The following ARHGAP6 variants were observed in gnomAD, a reference collection of about 807,000 sequenced individuals.
The protein encoded by ARHGAP6 is rho GTPase-activating protein 6.
In ARHGAP6, 16 loss-of-function variants were observed where a neutral mutation model predicts 55.7. The ratio of observed to expected loss-of-function variants is 0.29; its 90% CI spans 0.19 to 0.44. The LOEUF (loss-of-function observed/expected upper bound fraction) is 0.44, where lower values mean the gene tolerates loss of function less well. Ranked by LOEUF, ARHGAP6 falls within the 20% of genes least tolerant of loss-of-function variation. ARHGAP6 has a pLI of 1.00. For missense variants in ARHGAP6, 698 were observed against 808.9 expected, an observed-to-expected ratio of 0.86 and a Z score of 1.66; for synonymous variants, 382 against 360.9, an observed-to-expected ratio of 1.06 and a Z score of -0.66.
chrX:11,509,087 T>A (rs748350033), intron 1 of ARHGAP6, among the ~76,000 whole-genome samples: 50 of 111,833 alleles, frequency 4.5e-4, no homozygotes, highest in Non-Finnish European at 8.1e-4. Context: ...TGCAAACAAG[T>A]GATCGATCTA....
intron 1 of ARHGAP6, among the ~76,000 whole-genome samples, chrX:11,424,129 G>A (rs1022245493): frequency 3.6e-5 from 4 of 112,244 alleles, no homozygotes; most frequent in Non-Finnish European, 5.6e-5. Flanking sequence ...AAAGTGGATC[G>A]CAGAGGGATG....
At chrX:11,581,303 T>C (rs895071792) in intron 1 of ARHGAP6, among the ~76,000 whole-genome samples, 2 of 111,823 alleles carry the variant, frequency 1.8e-5, no homozygotes, top group African/African-American at 3.2e-5. Flanking sequence ...TGTGGAGAAA[T>C]TGGAACCTTC....
chrX:11,288,082 T>C (rs1317549833), intron 1 of ARHGAP6, among the ~76,000 whole-genome samples: 1 of 112,430 alleles, frequency 8.9e-6, no homozygotes, highest in Non-Finnish European at 1.9e-5. Flanking sequence ...ACTCAGCACG[T>C]CTAATCCTTC....
At chrX:11,235,612 T>A (rs1319646564) in intron 2 of ARHGAP6, among the ~76,000 whole-genome samples, 1 of 111,351 alleles carries the variant, frequency 9.0e-6, no homozygotes, top group East Asian at 2.8e-4. Flanking sequence ...CTCTTATGCT[T>A]TGCTTCCTCT....
intron 4 of ARHGAP6, among the ~76,000 whole-genome samples, chrX:11,187,762 A>C (rs1177748925): frequency 1.8e-5 from 2 of 112,090 alleles, no homozygotes; most frequent in Non-Finnish European, 3.8e-5. Flanking sequence ...AAAGGGAGAG[A>C]GGGTCAGGCG....
At chrX:11,173,856 T>TCTTTCA (rs1052728152) in intron 8 of ARHGAP6, among the ~76,000 whole-genome samples, 9 of 111,476 alleles carry the variant, frequency 8.1e-5, no homozygotes, top group Non-Finnish European at 1.1e-4. Context: ...CCTCTTCCTC[T>TCTTTCA]CTTTCATAAA....
chrX:11,491,155 T>G (rs2050562757), intron 1 of ARHGAP6, among the ~76,000 whole-genome samples: 1 of 112,421 alleles, frequency 8.9e-6, no homozygotes, highest in Non-Finnish European at 1.9e-5. Context: ...TAATGACCCT[T>G]GTTATTTAAC....
At chrX:11,417,915 G>T (rs2049774602) in intron 1 of ARHGAP6, among the ~76,000 whole-genome samples, 1 of 110,080 alleles carries the variant, frequency 9.1e-6, no homozygotes, top group Non-Finnish European at 1.9e-5. Flanking sequence ...TTATTTTAAG[G>T]ATTAAGTGAG....
Position 11,480,349 on chromosome X carries a change from A to G in ARHGAP6, c.588+183892T>C, listed in dbSNP as rs187961906. Among the ~76,000 whole-genome samples, 218 of 112,058 alleles carry G rather than the reference A, an allele frequency of 1.9e-3. 1 individual carries two copies. Among genetic ancestry groups the G allele is most frequent in the Middle Eastern group, 0.018 (4 of 218 alleles). Reference sequence around the variant, plus strand: ...AAAGCCAGAAACCAAAAAAAATCACATACTGTATAATTCCATTTATATGAA... The same window carrying G: ...AAAGCCAGAAACCAAAAAAAATCACGTACTGTATAATTCCATTTATATGAA... On this transcript the variant is annotated intron_variant, in intron 1 of 12. Transcript: ENST00000337414.
At chrX:11,595,157 G>C (rs1194575565) in intron 1 of ARHGAP6, among the ~76,000 whole-genome samples, 1 of 110,883 alleles carries the variant, frequency 9.0e-6, no homozygotes, top group Non-Finnish European at 1.9e-5. Context: ...GGGTATGGTG[G>C]CGTACGCCTA....
chrX:11,332,141 T>C (rs1047402203), intron 1 of ARHGAP6, among the ~76,000 whole-genome samples: 2 of 111,795 alleles, frequency 1.8e-5, no homozygotes, highest in Non-Finnish European at 3.8e-5. Flanking sequence ...TACTTCCACC[T>C]AGTGACCCTC....
chrX:11,433,087 C>T (rs1203850924), intron 1 of ARHGAP6, among the ~76,000 whole-genome samples: 1 of 112,342 alleles, frequency 8.9e-6, no homozygotes, highest in Non-Finnish European at 1.9e-5. Context: ...AGCCTGAAGA[C>T]AGCTGGGCTG....
intron 1 of ARHGAP6, among the ~76,000 whole-genome samples, chrX:11,506,959 G>T (rs909796567): frequency 1.8e-5 from 2 of 111,675 alleles, no homozygotes; most frequent in African/African-American, 6.5e-5. Flanking sequence ...ATCTCATTGC[G>T]GTTTTGATTT....
intron 1 of ARHGAP6, among the ~76,000 whole-genome samples, chrX:11,358,792 C>G (rs187326734): frequency 4.2e-4 from 47 of 111,701 alleles, no homozygotes; most frequent in African/African-American, 1.5e-3. Context: ...TTAACTATAT[C>G]TTAATTGTTT....
At chrX:11,427,483 G>A (rs2049894423) in intron 1 of ARHGAP6, 1 of 925,502 alleles carries the variant, frequency 1.1e-6, no homozygotes, top group East Asian at 1.0e-4. Context: ...ATCGCCCCTC[G>A]CAGTCCCCAC....
Position 11,186,219 on chromosome X carries a change from C to T in ARHGAP6, c.1273+17G>A, listed in dbSNP as rs1180297498. On this transcript the variant is annotated intron_variant, in intron 5 of 12. Transcript: ENST00000337414. ...AAATGAAAGTCCTTAGTACTTTAGA[C>T]AGACAAGTCTACTTACCATGTTTTT... 1.7e-6 allele frequency: 2 copies of T among 1,198,673 alleles called. No homozygotes were observed. The highest frequency in any genetic ancestry group is 4.4e-5 in the Admixed American group (2 of 45,249).
chrX:11,633,003 C>T (rs1452890379), intron 1 of ARHGAP6, among the ~76,000 whole-genome samples: 2 of 111,813 alleles, frequency 1.8e-5, no homozygotes, highest in Non-Finnish European at 3.8e-5. Context: ...GGAACAAACT[C>T]TGAGGTATAA....
intron 1 of ARHGAP6, among the ~76,000 whole-genome samples, chrX:11,318,393 G>T (rs1480274883): frequency 1.8e-5 from 2 of 112,030 alleles, no homozygotes; most frequent in African/African-American, 3.2e-5. Context: ...TAAGCAAAAT[G>T]AGTAAAATTA....
intron 1 of ARHGAP6, among the ~76,000 whole-genome samples, chrX:11,572,637 C>T (rs1413005160): frequency 4.6e-4 from 51 of 111,351 alleles, no homozygotes; most frequent in African/African-American, 1.0e-3. Context: ...TGAACAGTGC[C>T]GCAATAAACA....
Sources: gnomAD v4.1 joint callset for allele counts (sites outside exome capture counted in the v4.1 genomes callset) on GRCh38, gnomAD v4.1.1 for gene constraint, MANE v1.5 for transcripts, NCBI Gene and HGNC (gene_info 2026-07-23, HGNC 2026-07-21) for gene names.